HIVEP2: variants seen among roughly 807,000 people sequenced by gnomAD.
HIVEP2 encodes transcription factor HIVEP2.
HIVEP2 carries 14 observed loss-of-function variants against 180.7 expected under a neutral mutation model. The ratio of observed to expected loss-of-function variants is 0.08; its 90% CI spans 0.05 to 0.12. The LOEUF is 0.12. Ranked by LOEUF, HIVEP2 falls within the 10% of genes least tolerant of loss-of-function variation. The probability of loss-of-function intolerance (pLI) is 1.00; values close to 1 mark genes in which losing one functional copy is unlikely to be tolerated. For synonymous variants in HIVEP2, 1,184 were observed against 1,136.4 expected (o/e 1.04, Z -0.84); for missense variants, 2,579 against 3,008.5 (o/e 0.86, Z 3.34).
chr6:142,761,555 C>T lies in HIVEP2; in HGVS notation c.5529G>A (p.Thr1843=), dbSNP rs771432460. The change falls in exon 8 of 10, where the codon ACG becomes ACA. Residue 1843 remains threonine (T), a synonymous_variant. Coordinates refer to ENST00000367603, the MANE Select transcript of HIVEP2 (RefSeq NM_006734.4). ...TGTGTGCTTTAGATTTCATATGCTT[C>T]GTTAGGTTTCCTTGAAAATGTAGCA... ...NFAFKTKGNL[T]KHMKSKAHMK... is the part of the protein sequence containing the mutation. 2.6e-5 allele frequency: 41 copies of T among 1,590,898 alleles called. No individual in the cohort carries two copies. The South Asian group carries it at 2.9e-4, about 11-fold the overall frequency.
intron 2 of HIVEP2, among the ~76,000 whole-genome samples, chr6:142,804,388 T>A (rs1310396190): frequency 1.3e-5 from 2 of 152,160 alleles, no homozygotes; most frequent in African/African-American, 4.8e-5. Flanking sequence ...GACACCATGA[T>A]AATTTTTAGA....
intron 1 of HIVEP2, among the ~76,000 whole-genome samples, chr6:142,900,459 G>A (rs1777107525): frequency 6.6e-6 from 1 of 152,174 alleles, no homozygotes; most frequent in Non-Finnish European, 1.5e-5. Flanking sequence ...CCTACCGAAA[G>A]TACTCCTTGC....
intron 1 of HIVEP2, among the ~76,000 whole-genome samples, chr6:142,841,525 T>C (rs55795539): frequency 0.21 from 31,611 of 152,090 alleles, 4,254 homozygotes; most frequent in Middle Eastern, 0.31. Flanking sequence ...ACTCTTCATT[T>C]TCTTTTTTCA....
At chr6:142,925,733 C>A (rs572359361) in intron 1 of HIVEP2, among the ~76,000 whole-genome samples, 1 of 152,260 alleles carries the variant, frequency 6.6e-6, no homozygotes, top group South Asian at 2.1e-4. Flanking sequence ...CATAAGTCAG[C>A]GGTTAGCTTC....
chr6:142,774,586 C>A lies in HIVEP2; in HGVS notation c.153G>T (p.Glu51Asp). The A allele has an allele frequency of 6.2e-7, 1 of 1,614,200 alleles. No individual in the cohort carries two copies. Among genetic ancestry groups the A allele is most frequent in the Non-Finnish European group, 8.5e-7 (1 of 1,180,048 alleles). ...ATGCTGTGTTTCCGATTTGCTCAGGCTCTATTTGTGGTTGCCGCTGTCCTT... is the reference window on the plus strand; with the variant it reads ...ATGCTGTGTTTCCGATTTGCTCAGGATCTATTTGTGGTTGCCGCTGTCCTT... Reference protein sequence around the residue: ...SHEGQRQPQIEPEQIGNTASA... With the variant: ...SHEGQRQPQIDPEQIGNTASA... Residue 51 changes from glutamate (E) to aspartate (D), a missense_variant, in exon 5 of 10, where the codon GAG (glutamate) becomes GAT (aspartate). Coordinates refer to ENST00000367603, the MANE Select transcript of HIVEP2 (RefSeq NM_006734.4). The surrounding 1 kb of genome is among the most constrained non-coding windows in gnomAD (Gnocchi z 5.1).
rs1445447297 is a variant in HIVEP2, at chr6:142,772,446, G to T, written c.2293C>A (p.Leu765Met). 2 of 1,614,236 alleles carry T rather than the reference G, an allele frequency of 1.2e-6. No individual in the cohort carries two copies. Among genetic ancestry groups the T allele is most frequent in the South Asian group, 2.2e-5 (2 of 91,088 alleles). Residue 765 changes from leucine (L) to methionine (M), a missense_variant, in exon 5 of 10, where the codon CTG (leucine) becomes ATG (methionine). Physicochemically the swap from Leu to Met is conservative, Grantham distance 15 (BLOSUM62 2). Transcript: ENST00000367603. This position sits in a 1 kb window ranked among gnomAD's most constrained non-coding sequence, Gnocchi z 4.9. ...TERFDPCRPQLQPGSPSLVSE... is the reference protein window; with the variant it reads ...TERFDPCRPQMQPGSPSLVSE... ...ACAAGAGATGGACTTCCAGGCTGCA[G>T]TTGGGGCCGACATGGGTCAAAGCGT... is the stretch of plus-strand genomic sequence containing the variant.
At chr6:142,894,120 A>T (rs946081060) in intron 1 of HIVEP2, among the ~76,000 whole-genome samples, 1 of 152,216 alleles carries the variant, frequency 6.6e-6, no homozygotes, top group African/African-American at 2.4e-5. Context: ...ATCAATAAAT[A>T]GTAGAGTTGC....
chr6:142,793,644 C>CTTTTTTT (rs1480019164), intron 2 of HIVEP2, among the ~76,000 whole-genome samples: 39 of 34,274 alleles, frequency 1.1e-3, no homozygotes, highest in African/African-American at 2.7e-3. Flanking sequence ...TTCTTTCTTT[C>CTTTTTTT]TTTCTTTCTT....
At chr6:142,798,138 C>T (rs772788318) in intron 2 of HIVEP2, among the ~76,000 whole-genome samples, 5 of 151,940 alleles carry the variant, frequency 3.3e-5, no homozygotes, top group Non-Finnish European at 5.9e-5. Context: ...TGAGTGGAGA[C>T]AGCCTGATGG....
At position 142,772,124 on chromosome 6, in the gene HIVEP2, T is replaced by C. The variant is rs970428128; in HGVS notation, c.2615A>G (p.Gln872Arg). 1.9e-6 allele frequency: 3 copies of C among 1,614,228 alleles called. No individual in the cohort carries two copies. The East Asian group carries it at 6.7e-5, about 36-fold the overall frequency. ...KPSPSQQVQQ[Q>R]SYHTQPRLVR... ...TAGCCTGGGCTGTGTGTGATAGGAC[T>C]GCTGCTGCACCTGCTGAGATGGAGA... Residue 872 changes from glutamine to arginine, a missense_variant, in exon 5 of 10, where the codon CAG (glutamine) becomes CGG (arginine). By Grantham distance (43) the Gln-to-Arg change is conservative. This residue lies in a region of HIVEP2 where 524 missense variants were observed against 563.6 expected (regional missense o/e 0.93). Transcript: ENST00000367603. This position sits in a 1 kb window ranked among gnomAD's most constrained non-coding sequence, Gnocchi z 4.9.
intron 1 of HIVEP2, among the ~76,000 whole-genome samples, chr6:142,849,288 A>C (rs1169376482): frequency 6.6e-6 from 1 of 152,210 alleles, no homozygotes; most frequent in African/African-American, 2.4e-5. Context: ...GTGGATCTTC[A>C]GTAATCAGTA....
intron 2 of HIVEP2, among the ~76,000 whole-genome samples, chr6:142,811,470 G>A (rs755734238): frequency 6.6e-5 from 10 of 152,146 alleles, no homozygotes; most frequent in African/African-American, 2.4e-4. Flanking sequence ...TTTGTGCAAT[G>A]GCTAAAATTT....
chr6:142,866,557 A>G (rs1776143693), intron 1 of HIVEP2, among the ~76,000 whole-genome samples: 1 of 152,120 alleles, frequency 6.6e-6, no homozygotes, highest in African/African-American at 2.4e-5. Context: ...GATCCATGTC[A>G]AAGTGCCTAC....
In HIVEP2 at chr6:142,771,874, G is replaced by A. The variant is rs1476499101; in HGVS notation, c.2865C>T (p.Ser955=). ...ADMEHSSGES[S]FESTGTGLSR... The stretch of plus-strand genomic sequence containing the variant: ...AGAGGCCTGTGCCTGTGGATTCAAA[G>A]CTGGACTCCCCTGAGGAGTGCTCCA... Residue 955 remains serine, a synonymous_variant, in exon 5 of 10, where the codon AGC becomes AGT. Coordinates refer to ENST00000367603, the MANE Select transcript of HIVEP2 (RefSeq NM_006734.4). The surrounding 1 kb of genome is among the most constrained non-coding windows in gnomAD (Gnocchi z 5.4). The A allele has an allele frequency of 1.2e-6, 2 of 1,614,074 alleles. No homozygotes were observed. Among genetic ancestry groups the A allele is most frequent in the African/African-American group, 2.7e-5 (2 of 74,924 alleles).
At position 142,772,552 on chromosome 6, in the gene HIVEP2, G is replaced by A; in HGVS notation, c.2187C>T (p.Asp729=). Residue 729 remains aspartate (D), a synonymous_variant, in exon 5 of 10, where the codon GAC becomes GAT. Coordinates refer to ENST00000367603, the MANE Select transcript of HIVEP2 (RefSeq NM_006734.4). The surrounding 1 kb of genome is among the most constrained non-coding windows in gnomAD (Gnocchi z 4.9). ...CTCCTTCCTGCATCTGCAGTTTGGG[G>A]TCATAATCGGAAGCCATGATGCCCA... ...TPVGIMASDY[D]PKLQMQEGVR... 1 of 1,614,182 alleles carries A rather than the reference G, an allele frequency of 6.2e-7. No homozygotes were observed. Among genetic ancestry groups the A allele is most frequent in the Admixed American group, 1.7e-5 (1 of 60,036 alleles).
chr6:142,811,835 T>A (rs760583113), intron 2 of HIVEP2, among the ~76,000 whole-genome samples: 1 of 152,176 alleles, frequency 6.6e-6, no homozygotes, highest in Non-Finnish European at 1.5e-5. Flanking sequence ...CCAAAAGAGG[T>A]TCTGATTCAA....
intron 2 of HIVEP2, among the ~76,000 whole-genome samples, chr6:142,835,190 C>T (rs952441235): frequency 6.6e-6 from 1 of 152,200 alleles, no homozygotes; most frequent in Non-Finnish European, 1.5e-5. Flanking sequence ...GCCTTATGAA[C>T]TAAGCAGCAT....
intron 2 of HIVEP2, among the ~76,000 whole-genome samples, chr6:142,808,799 G>A (rs1776618138): frequency 6.6e-6 from 1 of 151,996 alleles, no homozygotes; most frequent in African/African-American, 2.4e-5. Flanking sequence ...GGGAGGAAGG[G>A]AATGCTGGAT....
At chr6:142,944,363 C>A (rs1002346910) in intron 1 of HIVEP2, among the ~76,000 whole-genome samples, 1 of 31,336 alleles carries the variant, frequency 3.2e-5, no homozygotes, top group African/African-American at 7.0e-5. Context: ...TGGAGTCCAC[C>A]CCCCCCCCCC....
Sources: gnomAD v4.1 joint callset for allele counts (sites outside exome capture counted in the v4.1 genomes callset) on GRCh38, gnomAD v4.1.1 for gene constraint, gnomAD v4.1.1 regional missense constraint, Gnocchi (gnomAD v3.1) non-coding constraint, MANE v1.5 for transcripts, NCBI Gene and HGNC (gene_info 2026-07-23, HGNC 2026-07-21) for gene names.